FGF13: variants seen among roughly 807,000 people sequenced by gnomAD.
The protein encoded by FGF13 is fibroblast growth factor homologous factor 2.
In FGF13, 2 loss-of-function variants were observed where a neutral mutation model predicts 19.5. The observed-to-expected ratio is 0.10, with a 90% confidence interval of 0.04 to 0.32. The LOEUF (loss-of-function observed/expected upper bound fraction) is 0.32, where lower values mean the gene tolerates loss of function less well. Among genes scored for constraint, FGF13 ranks in the 10% least tolerant of loss-of-function variants. The pLI, the probability that FGF13 is intolerant of heterozygous loss-of-function variation, is 1.00. For missense variants in FGF13, 113 were observed against 192.7 expected, an observed-to-expected ratio of 0.59 and a Z score of 2.45; for synonymous variants, 72 against 76.9, an observed-to-expected ratio of 0.94 and a Z score of 0.33.
chrX:138,713,607 T>G (rs1236393983), upstream of FGF13, among the ~76,000 whole-genome samples: 1 of 111,768 alleles, frequency 8.9e-6, no homozygotes, highest in Admixed American at 9.4e-5. Context: ...GGATAGACCT[T>G]AGAAGAAGAG....
chrX:139,132,713 C>T (rs1280752793), intron 1 of FGF13, among the ~76,000 whole-genome samples: 1 of 112,094 alleles, frequency 8.9e-6, no homozygotes, highest in Non-Finnish European at 1.9e-5. Context: ...GGGAATTCTT[C>T]CAAAGGAAAA....
At chrX:139,069,142 T>G (rs1251589128) in intron 1 of FGF13, among the ~76,000 whole-genome samples, 1 of 100,217 alleles carries the variant, frequency 1.0e-5, no homozygotes. Flanking sequence ...TAAATCATGC[T>G]GCTATAAAGA....
chrX:138,884,250 G>A (rs934844041), intron 1 of FGF13, among the ~76,000 whole-genome samples: 3 of 112,016 alleles, frequency 2.7e-5, no homozygotes, highest in Non-Finnish European at 5.6e-5. Flanking sequence ...TTGTGAAAGG[G>A]AGAATCAAAT....
intron 1 of FGF13, among the ~76,000 whole-genome samples, chrX:139,198,511 G>A (rs1328946464): frequency 9.0e-6 from 1 of 111,720 alleles, no homozygotes; most frequent in East Asian, 2.8e-4. Context: ...TCATTAGCCC[G>A]TGACACTAGT....
At chrX:138,741,072 G>A (rs759665062), upstream of FGF13, among the ~76,000 whole-genome samples, 5 of 112,425 alleles carry the variant, frequency 4.4e-5, no homozygotes, top group Non-Finnish European at 9.4e-5. Context: ...ATGGCTAATG[G>A]AAGAATTTAG....
intron 3 of FGF13, among the ~76,000 whole-genome samples, chrX:138,646,322 G>T (rs1198904644): frequency 8.9e-6 from 1 of 111,922 alleles, no homozygotes; most frequent in Non-Finnish European, 1.9e-5. Context: ...TTCTGCTGGA[G>T]AACTAATCCA....
At chrX:138,694,095 A>T (rs2089866046) in intron 3 of FGF13, among the ~76,000 whole-genome samples, 1 of 112,072 alleles carries the variant, frequency 8.9e-6, no homozygotes, top group Non-Finnish European at 1.9e-5. Context: ...TCTGTATTAG[A>T]ATAAGAGCTA....
At chrX:139,191,782 C>T (rs1280612464) in intron 1 of FGF13, among the ~76,000 whole-genome samples, 1 of 111,427 alleles carries the variant, frequency 9.0e-6, no homozygotes, top group Non-Finnish European at 1.9e-5. Flanking sequence ...CCTGTGTCAC[C>T]CTGCTCTAGA....
intron 1 of FGF13, among the ~76,000 whole-genome samples, chrX:139,002,635 G>A (rs758505683): frequency 1.8e-5 from 2 of 111,253 alleles, no homozygotes; most frequent in East Asian, 5.7e-4. Flanking sequence ...CACTTGAAGA[G>A]AGGAGAGGGG....
chrX:138,854,863 A>C (rs940755318), downstream of FGF13, among the ~76,000 whole-genome samples: 6 of 112,003 alleles, frequency 5.4e-5, no homozygotes, highest in East Asian at 2.8e-4. Context: ...AGAATTGGTG[A>C]GCATCCACAG....
intron 3 of FGF13, among the ~76,000 whole-genome samples, chrX:138,805,608 A>G (rs751324407): frequency 2.0e-4 from 22 of 112,130 alleles, no homozygotes; most frequent in Non-Finnish European, 3.6e-4. Context: ...GCATAATTCA[A>G]AAAAGCATAA....
chrX:138,806,506 G>C (rs1334427231), intron 3 of FGF13: 1 of 112,790 alleles, frequency 8.9e-6, no homozygotes, highest in Admixed American at 9.5e-5. Flanking sequence ...GGAGCAGCAG[G>C]GCCTCCAGAA....
At chrX:139,037,422 TAA>T (rs1393508118) in intron 1 of FGF13, among the ~76,000 whole-genome samples, 1 of 102,112 alleles carries the variant, frequency 9.8e-6, no homozygotes. Context: ...ATTGGTGCTG[TAA>T]AAAAAAAAAA....
chrX:138,756,486 C>T (rs1233353757), intron 3 of FGF13, among the ~76,000 whole-genome samples: 1 of 112,673 alleles, frequency 8.9e-6, no homozygotes. Context: ...ATTGCTCCTT[C>T]AGGCAGGACA....
chrX:138,781,552 A>C (rs2090642951), intron 3 of FGF13, among the ~76,000 whole-genome samples: 1 of 110,767 alleles, frequency 9.0e-6, no homozygotes, highest in African/African-American at 3.3e-5. Context: ...TACGCAAATA[A>C]ACTAGAAAAT....
intron 3 of FGF13, among the ~76,000 whole-genome samples, chrX:138,813,549 AC>A (rs1168325768): frequency 1.8e-5 from 2 of 112,083 alleles, no homozygotes; most frequent in Non-Finnish European, 3.8e-5. Context: ...TGCTACTGAT[AC>A]CCATTTAATG....
intron 1 of FGF13, among the ~76,000 whole-genome samples, chrX:139,149,856 A>T (rs1427230504): frequency 3.6e-5 from 4 of 112,038 alleles, no homozygotes; most frequent in African/African-American, 1.3e-4. Context: ...TCCAGCACAA[A>T]ACCTATCAGT....
At chrX:139,013,479 T>TATATATA (rs2092138546) in intron 1 of FGF13, among the ~76,000 whole-genome samples, 1 of 71,083 alleles carries the variant, frequency 1.4e-5, no homozygotes, top group Non-Finnish European at 2.4e-5. Context: ...AAAGAAAATT[T>TATATATA]TATATATATA....
intron 1 of FGF13, among the ~76,000 whole-genome samples, chrX:138,955,609 C>G (rs1447715487): frequency 8.9e-6 from 1 of 112,056 alleles, no homozygotes; most frequent in Non-Finnish European, 1.9e-5. Context: ...AGTGTGTGCT[C>G]TTAACCACAA....
Sources: gnomAD v4.1 joint callset for allele counts (sites outside exome capture counted in the v4.1 genomes callset) on GRCh38, gnomAD v4.1.1 for gene constraint, MANE v1.5 for transcripts, NCBI Gene and HGNC (gene_info 2026-07-23, HGNC 2026-07-21) for gene names.